TTC17: variants seen among roughly 807,000 people sequenced by gnomAD.
The protein encoded by TTC17 is tetratricopeptide repeat protein 17.
In TTC17, 58 loss-of-function variants were observed where a neutral mutation model predicts 143.8. The observed-to-expected ratio is 0.40, with a 90% CI of 0.33 to 0.50. TTC17 has a LOEUF of 0.50. TTC17 is among the 20% of genes least tolerant of loss of function. The pLI is 0.49. For synonymous variants in TTC17, 501 were observed against 497.8 expected, an observed-to-expected ratio of 1.01 and a Z score of -0.09; for missense variants, 1,273 against 1,392.5, an observed-to-expected ratio of 0.91 and a Z score of 1.37.
intron 11 of TTC17, among the ~76,000 whole-genome samples, chr11:43,404,542 C>T (rs1858023195): frequency 6.6e-6 from 1 of 152,184 alleles, no homozygotes; most frequent in South Asian, 2.1e-4. Flanking sequence ...CCCCCTTGCT[C>T]TTCTGGAGCC....
intron 9 of TTC17, among the ~76,000 whole-genome samples, chr11:43,400,261 T>TA (rs1270301415): frequency 1.3e-5 from 2 of 152,146 alleles, no homozygotes; most frequent in African/African-American, 4.8e-5. Context: ...CATTTTGAAA[T>TA]AAAAAACAAG....
chr11:43,405,657 C>T, intron 12 of TTC17, 28 bp downstream of exon 12: 1 of 1,612,688 alleles, frequency 6.2e-7, no homozygotes, highest in Non-Finnish European at 8.5e-7. Flanking sequence ...TGGCAAAGCA[C>T]CTGATTCTGC....
chr11:43,437,227 TC>T (rs755094674), intron 16 of TTC17, among the ~76,000 whole-genome samples: 6 of 152,180 alleles, frequency 3.9e-5, no homozygotes, highest in Non-Finnish European at 7.3e-5. Flanking sequence ...ATTTCTGTAT[TC>T]CTGATCTCTC....
chr11:43,410,461 C>T (rs188854376), intron 15 of TTC17, among the ~76,000 whole-genome samples: 18 of 152,216 alleles, frequency 1.2e-4, no homozygotes, highest in East Asian at 3.9e-4. Flanking sequence ...TTTCCTGTGA[C>T]GTCTCCTGGA....
At chr11:43,458,480 A>G (rs1323346734) in intron 21 of TTC17, among the ~76,000 whole-genome samples, 1 of 152,226 alleles carries the variant, frequency 6.6e-6, no homozygotes, top group African/African-American at 2.4e-5. Flanking sequence ...AGAGCCAGTC[A>G]TCACAAAGCC....
At chr11:43,462,918 A>ATTTTTTTTTTTTTTTTTTTTTTTT (rs1369564202) in intron 21 of TTC17, among the ~76,000 whole-genome samples, 3 of 95,316 alleles carry the variant, frequency 3.1e-5, no homozygotes, top group African/African-American at 1.4e-4. Context: ...CAGTGACAAA[A>ATTTTTTTTTTTTTTTTTTTTTTTT]TTCTTTTTTT....
chr11:43,383,071 AT>A lies in TTC17; in HGVS notation c.249+3755del, dbSNP rs974503975. Among the ~76,000 whole-genome samples the A allele has an allele frequency of 2.0e-5, 3 of 150,788 alleles. 1 individual carries two copies. In the South Asian group the frequency reaches 6.3e-4, roughly 32 times the overall value. ...TGCACAATGCCCAGCTATTTTTTTT[AT>A]TTTTTGTAGAGACAGCGTCTCACTT... On this transcript the variant is annotated intron_variant, in intron 2 of 23. Coordinates refer to ENST00000039989, the MANE Select transcript of TTC17 (RefSeq NM_018259.6).
intron 23 of TTC17, 130 bp from the exon 24 acceptor site, chr11:43,493,643 C>G (rs1948509876): frequency 7.2e-7 from 1 of 1,398,166 alleles, no homozygotes; most frequent in Admixed American, 2.0e-5. Context: ...TCCACAAAGA[C>G]TTAGATCCGT....
chr11:43,451,204 A>G lies in TTC17; in HGVS notation c.2969A>G (p.Asp990Gly), dbSNP rs1485616139. The G allele has an allele frequency of 6.2e-7, 1 of 1,613,660 alleles. No individual in the cohort carries two copies. Among genetic ancestry groups the G allele is most frequent in the African/African-American group, 1.3e-5 (1 of 74,932 alleles). ...LTEVLQNLGK[D>G]QYPQQSLEQI... ...CAGGTATTACAAAATCTCGGCAAAG[A>G]CCAATATCCACAACAGTCGCTTGAA... The change falls in exon 21 of 24, where the codon GAC becomes GGC. Residue 990 changes from aspartate to glycine, a missense_variant. Physicochemically the swap from Asp to Gly is moderately conservative, Grantham distance 94 (BLOSUM62 -1). Transcript: ENST00000039989.
intron 1 of TTC17, among the ~76,000 whole-genome samples, chr11:43,371,966 G>A (rs545129214): frequency 1.3e-5 from 2 of 152,262 alleles, no homozygotes; most frequent in African/African-American, 2.4e-5. Context: ...CAGTTACTCC[G>A]GAGGCTGAGG....
At chr11:43,408,251 A>T (rs573682677) in intron 15 of TTC17, among the ~76,000 whole-genome samples, 8 of 152,324 alleles carry the variant, frequency 5.3e-5, no homozygotes, top group African/African-American at 1.9e-4. Context: ...TTTTGTATTC[A>T]AAGAAACCTT....
intron 21 of TTC17, among the ~76,000 whole-genome samples, chr11:43,479,110 C>T (rs895609401): frequency 2.0e-5 from 3 of 152,030 alleles, no homozygotes; most frequent in Admixed American, 2.0e-4. Context: ...TGTGATGGCT[C>T]ACACCTGTAA....
intron 21 of TTC17, among the ~76,000 whole-genome samples, chr11:43,488,096 TC>T (rs754366760): frequency 1.6e-4 from 24 of 152,242 alleles, no homozygotes; most frequent in Non-Finnish European, 3.2e-4. Context: ...AGAATATTGT[TC>T]CCATGAGCCG....
At chr11:43,456,179 A>AACACACACACACACACACAC (rs57261729) in intron 21 of TTC17, among the ~76,000 whole-genome samples, 1 of 146,214 alleles carries the variant, frequency 6.8e-6, no homozygotes, top group Admixed American at 6.8e-5. Flanking sequence ...TTAGCACAAT[A>AACACACACACACACACACAC]ACACACACAC....
intron 9 of TTC17, among the ~76,000 whole-genome samples, chr11:43,400,617 G>A (rs892980731): frequency 1.3e-5 from 2 of 152,140 alleles, no homozygotes; most frequent in African/African-American, 4.8e-5. Context: ...CTTAACCTGG[G>A]TCAATGGATT....
At chr11:43,471,535 C>T (rs1422900833) in intron 21 of TTC17, among the ~76,000 whole-genome samples, 2 of 152,224 alleles carry the variant, frequency 1.3e-5, no homozygotes, top group African/African-American at 4.8e-5. Flanking sequence ...GGTTTCTGGT[C>T]AAGTCCAATT....
At chr11:43,425,017 G>A (rs1289098808) in intron 16 of TTC17, among the ~76,000 whole-genome samples, 1 of 152,200 alleles carries the variant, frequency 6.6e-6, no homozygotes, top group African/African-American at 2.4e-5. Flanking sequence ...CTTGTGTGTA[G>A]TGAGTTAGGC....
intron 16 of TTC17, chr11:43,436,253 C>A: frequency 1.4e-6 from 2 of 1,471,176 alleles, no homozygotes; most frequent in South Asian, 1.4e-5. Flanking sequence ...TGAAGAAGAG[C>A]CCTCTGAGAG....
At chr11:43,469,042 G>A (rs577553807) in intron 21 of TTC17, among the ~76,000 whole-genome samples, 8 of 152,144 alleles carry the variant, frequency 5.3e-5, no homozygotes, top group South Asian at 2.1e-4. Flanking sequence ...AAAAGACAAC[G>A]CAATTTTTTA....
Sources: gnomAD v4.1 joint callset for allele counts (sites outside exome capture counted in the v4.1 genomes callset) on GRCh38, gnomAD v4.1.1 for gene constraint, MANE v1.5 for transcripts, NCBI Gene and HGNC (gene_info 2026-07-23, HGNC 2026-07-21) for gene names.